Variants in RUNX1 observed in about 807,000 individuals in gnomAD.
The protein encoded by RUNX1 is RUNX family transcription factor 1.
RUNX1 carries 19 observed loss-of-function variants against 42.8 expected under a neutral mutation model. The observed-to-expected ratio is 0.44, with a 90% CI of 0.31 to 0.65. The LOEUF is 0.65. RUNX1 is among the 30% of genes least tolerant of loss of function. The pLI is 0.07. For synonymous variants in RUNX1, 271 were observed against 289.4 expected (o/e 0.94, Z 0.64); for missense variants, 528 against 672.0 (o/e 0.79, Z 2.37).
chr21:34,904,107 G>T (rs960735562), intron 2 of RUNX1, among the ~76,000 whole-genome samples: 3 of 152,056 alleles, frequency 2.0e-5, no homozygotes, highest in Non-Finnish European at 4.4e-5. Context: ...AAACATCATT[G>T]TCTACCTCTC....
intron 5 of RUNX1, among the ~76,000 whole-genome samples, chr21:34,860,312 C>G (rs909327496): frequency 6.6e-6 from 1 of 152,178 alleles, no homozygotes; most frequent in Non-Finnish European, 1.5e-5. Context: ...AATCTAAAAA[C>G]ATTTCTTGTT....
At chr21:34,879,730 A>G (rs555244174) in intron 5 of RUNX1, among the ~76,000 whole-genome samples, 137 of 152,288 alleles carry the variant, frequency 9.0e-4, no homozygotes, top group Non-Finnish European at 1.7e-3. Flanking sequence ...ACTTGTTGCT[A>G]TTTATAAAAT....
At chr21:34,936,755 A>C (rs1461009349) in intron 2 of RUNX1, among the ~76,000 whole-genome samples, 2 of 152,216 alleles carry the variant, frequency 1.3e-5, no homozygotes, top group African/African-American at 2.4e-5. Context: ...GTGGAAAAGA[A>C]AAGACTCTGT....
intron 2 of RUNX1, among the ~76,000 whole-genome samples, chr21:34,939,685 T>C (rs1311752666): frequency 6.6e-6 from 1 of 152,092 alleles, no homozygotes; most frequent in Non-Finnish European, 1.5e-5. Flanking sequence ...AACCTTTCCA[T>C]CCAGGGAGTT....
intron 2 of RUNX1, among the ~76,000 whole-genome samples, chr21:35,025,157 A>C (rs936906572): frequency 5.9e-5 from 9 of 152,242 alleles, no homozygotes; most frequent in African/African-American, 2.2e-4. Context: ...GTAAATTCTG[A>C]AATATATGGC....
intron 6 of RUNX1, among the ~76,000 whole-genome samples, chr21:34,836,092 C>G (rs933636142): frequency 4.6e-5 from 7 of 152,200 alleles, no homozygotes; most frequent in Non-Finnish European, 8.8e-5. Flanking sequence ...CTGTTTGGCT[C>G]CAAAATGAGG....
chr21:34,844,688 G>A (rs2057291535), intron 6 of RUNX1, among the ~76,000 whole-genome samples: 1 of 152,178 alleles, frequency 6.6e-6, no homozygotes, highest in Non-Finnish European at 1.5e-5. Context: ...CTCCTCCTCT[G>A]TACTTCTAAA....
At chr21:34,879,621 TA>T (rs1162968818) in intron 5 of RUNX1, among the ~76,000 whole-genome samples, 2 of 152,200 alleles carry the variant, frequency 1.3e-5, no homozygotes, top group East Asian at 3.8e-4. Context: ...TAAGTCTTTT[TA>T]TTATACTTGA....
At chr21:34,930,239 T>G (rs531974953) in intron 2 of RUNX1, among the ~76,000 whole-genome samples, 6,100 of 130,088 alleles carry the variant, frequency 0.047, 489 homozygotes, top group African/African-American at 0.2. Flanking sequence ...TATATACATA[T>G]TATATATGTA....
intron 8 of RUNX1, among the ~76,000 whole-genome samples, chr21:34,798,288 C>T (rs2056558855): frequency 6.6e-6 from 1 of 152,164 alleles, no homozygotes; most frequent in African/African-American, 2.4e-5. Context: ...CAGTTTGGTG[C>T]AGCTCCAATT....
chr21:34,965,965 T>C (rs369021412), intron 2 of RUNX1, among the ~76,000 whole-genome samples: 9 of 152,236 alleles, frequency 5.9e-5, no homozygotes, highest in Admixed American at 3.3e-4. Context: ...CAGGGATGGC[T>C]ATGTGCCAGC....
chr21:34,998,336 C>T (rs895426152), intron 2 of RUNX1, among the ~76,000 whole-genome samples: 1 of 151,906 alleles, frequency 6.6e-6, no homozygotes, highest in South Asian at 2.1e-4. Flanking sequence ...AGGGACCACA[C>T]AACGTCCAGA....
At chr21:34,951,820 G>A (rs1176349289) in intron 2 of RUNX1, among the ~76,000 whole-genome samples, 4 of 152,162 alleles carry the variant, frequency 2.6e-5, no homozygotes, top group Non-Finnish European at 4.4e-5. Context: ...ACAGTGTGGC[G>A]ATTTCTCAAG....
intron 6 of RUNX1, among the ~76,000 whole-genome samples, chr21:34,858,001 GA>G (rs1429080533): frequency 6.6e-6 from 1 of 152,206 alleles, no homozygotes; most frequent in Non-Finnish European, 1.5e-5. Context: ...GCCCTCTGGG[GA>G]AAAATGCAGT....
chr21:34,851,003 C>T (rs201489400), intron 6 of RUNX1, among the ~76,000 whole-genome samples: 1 of 152,150 alleles, frequency 6.6e-6, no homozygotes. Context: ...AGTGATGTGA[C>T]GGTGGTACTA....
At chr21:34,840,588 G>A (rs2057219450) in intron 6 of RUNX1, among the ~76,000 whole-genome samples, 1 of 143,242 alleles carries the variant, frequency 7.0e-6, no homozygotes, top group Admixed American at 7.2e-5. Flanking sequence ...GACTTTCAAA[G>A]TTTTCCCTTT....
At chr21:35,008,782 T>C (rs2059103883) in intron 2 of RUNX1, among the ~76,000 whole-genome samples, 1 of 152,196 alleles carries the variant, frequency 6.6e-6, no homozygotes, top group Non-Finnish European at 1.5e-5. Context: ...CTTCTAACCA[T>C]ACTGATTATG....
intron 2 of RUNX1, among the ~76,000 whole-genome samples, chr21:34,920,655 T>C (rs1404950840): frequency 2.0e-5 from 3 of 152,200 alleles, no homozygotes. Flanking sequence ...ACTTGCGTTC[T>C]GAGGCCATCC....
At chr21:34,815,813 G>A (rs756465334) in intron 7 of RUNX1, among the ~76,000 whole-genome samples, 4 of 152,162 alleles carry the variant, frequency 2.6e-5, no homozygotes, top group Non-Finnish European at 5.9e-5. Flanking sequence ...CGATGAGGCT[G>A]AGCAGTCTTT....
Sources: allele counts gnomAD v4.1 joint callset (sites outside exome capture counted in the v4.1 genomes callset), GRCh38; gene constraint gnomAD v4.1.1; transcripts MANE v1.5; gene names NCBI Gene and HGNC (gene_info 2026-07-23, HGNC 2026-07-21).